The following ZNF407 variants were observed in gnomAD, a reference collection of about 807,000 sequenced individuals.
ZNF407 encodes the protein zinc finger protein 407.
Under a neutral mutation model 131.2 loss-of-function variants are expected in ZNF407, and 17 were observed. That is an observed-to-expected ratio of 0.13 (90% CI 0.09 to 0.19). ZNF407 has a LOEUF of 0.19. Among genes scored for constraint, ZNF407 ranks in the 10% least tolerant of loss-of-function variants. The pLI is 1.00. For synonymous variants in ZNF407, 1,156 were observed against 1,062.0 expected (o/e 1.09, Z -1.72); for missense variants, 2,681 against 2,830.6 (o/e 0.95, Z 1.20).
Position 74,992,634 on chromosome 18 carries a change from C to G in ZNF407, c.5429-70516C>G, listed in dbSNP as rs559803321. On this transcript the variant is annotated intron_variant, in intron 8 of 8. Coordinates refer to ENST00000299687, the MANE Select transcript of ZNF407 (RefSeq NM_017757.3). ...GGAAGGTGGACCTTCAGACTTCTGTCGAAGAGAAAACTACAGTGAGGGGTC... is the reference window on the plus strand; with the variant it reads ...GGAAGGTGGACCTTCAGACTTCTGTGGAAGAGAAAACTACAGTGAGGGGTC... Among the ~76,000 whole-genome samples the G allele has an allele frequency of 2.2e-3, 335 of 152,224 alleles. 2 individuals are homozygous for G. Among genetic ancestry groups the G allele is most frequent in the African/African-American group, 7.3e-3 (304 of 41,522 alleles).
At chr18:74,968,686 T>C (rs1459417069) in intron 8 of ZNF407, among the ~76,000 whole-genome samples, 1 of 152,226 alleles carries the variant, frequency 6.6e-6, no homozygotes, top group Non-Finnish European at 1.5e-5. Flanking sequence ...TAATACCTTG[T>C]TTCTTTCTGG....
intron 8 of ZNF407, among the ~76,000 whole-genome samples, chr18:74,981,667 G>T (rs1389009805): frequency 1.4e-5 from 2 of 146,874 alleles, no homozygotes; most frequent in African/African-American, 5.0e-5. Context: ...AGGAGCGCAG[G>T]ATGTGACTGG....
intron 8 of ZNF407, among the ~76,000 whole-genome samples, chr18:74,974,048 C>T (rs1297239303): frequency 6.6e-6 from 1 of 152,140 alleles, no homozygotes; most frequent in East Asian, 1.9e-4. Flanking sequence ...TGACATATGG[C>T]AATTCAATTA....
intron 4 of ZNF407, chr18:74,804,322 A>C: frequency 3.6e-6 from 4 of 1,115,166 alleles, no homozygotes; most frequent in Non-Finnish European, 4.4e-6. Context: ...AAAACCCTTA[A>C]TGATTCAGGG....
intron 1 of ZNF407, among the ~76,000 whole-genome samples, chr18:74,619,460 A>G (rs977137327): frequency 6.6e-6 from 1 of 152,266 alleles, no homozygotes. Context: ...TTCATATGTT[A>G]TATGCTTTAT....
Position 74,920,659 on chromosome 18 carries a change from A to G in ZNF407, c.5395A>G (p.Ile1799Val), listed in dbSNP as rs1971835317. 1.2e-6 allele frequency: 2 copies of G among 1,610,148 alleles called. No homozygotes were observed. Among genetic ancestry groups the G allele is most frequent in the South Asian group, 1.1e-5 (1 of 90,898 alleles). Residue 1799 changes from isoleucine to valine, a missense_variant, in exon 8 of 9, where the codon ATC (isoleucine) becomes GTC (valine). By Grantham distance (29) the Ile-to-Val change is conservative. This residue lies in a region of ZNF407 where 39 missense variants were observed against 91.8 expected (regional missense o/e 0.42). Coordinates refer to ENST00000299687, the MANE Select transcript of ZNF407 (RefSeq NM_017757.3). ...RNHLKEQHPDIENPDLAYLHA... is the reference protein window; with the variant it reads ...RNHLKEQHPDVENPDLAYLHA... Reference sequence around the variant, plus strand: ...CCATTTGAAGGAACAGCATCCTGACATCGAAAACCCGGACCTCGCTTACCT... The same window carrying G: ...CCATTTGAAGGAACAGCATCCTGACGTCGAAAACCCGGACCTCGCTTACCT...
rs189938104 is a variant in ZNF407 at position 74,676,647 on chromosome 18, G to A, written c.4802+35525G>A. ...GACGGGGTTTCACCGTGTTAGCCAG[G>A]ATGGTCTCGATCTCCTGACCTCGTG... On this transcript the variant is annotated intron_variant, in intron 3 of 8. Transcript: ENST00000299687. Among the ~76,000 whole-genome samples, 448 of 151,934 alleles carry A rather than the reference G, an allele frequency of 2.9e-3. 2 individuals carry two copies. The highest frequency in any genetic ancestry group is 3.7e-3 in the Non-Finnish European group (251 of 67,958).
intron 6 of ZNF407, among the ~76,000 whole-genome samples, chr18:74,884,371 A>T (rs1971279345): frequency 6.6e-6 from 1 of 152,208 alleles, no homozygotes; most frequent in South Asian, 2.1e-4. Context: ...GTATTAGAGT[A>T]ATAGTATTGA....
Position 74,633,617 on chromosome 18 carries a change from T to C in ZNF407, c.2598T>C (p.Thr866=), listed in dbSNP as rs761009194. The change falls in exon 2 of 9, where the codon ACT becomes ACC. Residue 866 remains threonine, a synonymous_variant. Transcript: ENST00000299687. ...TGGCCTCTAGTATTACAAACTTGAC[T>C]GTTCACATTAGACGAAAACACAGTC... is the stretch of plus-strand genomic sequence containing the variant. ...GLLASSITNL[T]VHIRRKHSHQ... 1 of 1,614,028 alleles carries C rather than the reference T, an allele frequency of 6.2e-7. No homozygotes were observed. Among genetic ancestry groups the C allele is most frequent in the Non-Finnish European group, 8.5e-7 (1 of 1,179,892 alleles).
intron 1 of ZNF407, among the ~76,000 whole-genome samples, chr18:74,605,799 A>G (rs12604536): frequency 0.047 from 7,167 of 152,282 alleles, 385 homozygotes; most frequent in African/African-American, 0.12. Flanking sequence ...ACACATTGGT[A>G]TACTAGAAAG....
intron 4 of ZNF407, among the ~76,000 whole-genome samples, chr18:74,812,463 A>G (rs573046753): frequency 7.2e-5 from 11 of 152,288 alleles, no homozygotes; most frequent in African/African-American, 2.6e-4. Context: ...GATAACCTAT[A>G]ATTCCTTTGA....
chr18:74,796,933 G>A (rs141551671), intron 4 of ZNF407, among the ~76,000 whole-genome samples: 45 of 152,134 alleles, frequency 3.0e-4, no homozygotes, highest in African/African-American at 9.7e-4. Context: ...AAGAAAGTAC[G>A]GCTGCCAGCA....
chr18:74,758,100 G>T (rs1249402513), intron 3 of ZNF407, among the ~76,000 whole-genome samples: 1 of 151,938 alleles, frequency 6.6e-6, no homozygotes, highest in Non-Finnish European at 1.5e-5. Context: ...ATTACTTTTT[G>T]CTTGAAATTT....
At chr18:74,882,918 A>G (rs1031089178) in intron 6 of ZNF407, among the ~76,000 whole-genome samples, 2 of 152,230 alleles carry the variant, frequency 1.3e-5, no homozygotes, top group Non-Finnish European at 2.9e-5. Context: ...TTTAAATGCC[A>G]TTGAAGTTCA....
At chr18:74,643,046 A>C (rs919638719) in intron 3 of ZNF407, among the ~76,000 whole-genome samples, 1 of 152,116 alleles carries the variant, frequency 6.6e-6, no homozygotes, top group African/African-American at 2.4e-5. Context: ...TGAATTAGGT[A>C]CCCTTCAGTG....
At position 75,064,361 on chromosome 18, in the gene ZNF407, A is replaced by G. The variant is rs1287947606; in HGVS notation, c.6640A>G (p.Ser2214Gly). The G allele has an allele frequency of 6.3e-7, 1 of 1,580,454 alleles. No individual in the cohort carries two copies. Among genetic ancestry groups the G allele is most frequent in the African/African-American group, 1.3e-5 (1 of 74,166 alleles). Residue 2214 changes from serine to glycine, a missense_variant, in exon 9 of 9, where the codon AGC becomes GGC. Ser to Gly is a moderately conservative substitution (Grantham distance 56, BLOSUM62 0). Around this residue, in one of 6 missense-constraint regions of ZNF407, gnomAD observed 620 missense variants for 583.1 expected, o/e 1.06. Transcript: ENST00000299687. Reference protein sequence around the residue: ...ATLGTEAGAPSRAEQLASVVI... With the variant: ...ATLGTEAGAPGRAEQLASVVI... ...GCTAGGCACAGAGGCCGGGGCCCCAAGCAGGGCAGAGCAGCTGGCCAGCGT... is the reference window on the plus strand; with the variant it reads ...GCTAGGCACAGAGGCCGGGGCCCCAGGCAGGGCAGAGCAGCTGGCCAGCGT...
rs186658208 is a variant in ZNF407 at position 74,925,536 on chromosome 18, A to G, written c.5428+4844A>G. ...AAAATTTCCTTTGTCATTAATTAGA[A>G]CCATTAGTGTTCAATACATAGAACC... On this transcript the variant is annotated intron_variant, in intron 8 of 8. Transcript: ENST00000299687. Among the ~76,000 whole-genome samples, 54 of 152,348 alleles carry G rather than the reference A, an allele frequency of 3.5e-4. No individual in the cohort carries two copies. In the East Asian group the frequency reaches 9.4e-3, roughly 27 times the overall value.
chr18:74,692,230 C>G (rs1185507925), intron 3 of ZNF407, among the ~76,000 whole-genome samples: 2 of 152,142 alleles, frequency 1.3e-5, no homozygotes, highest in Admixed American at 1.3e-4. Context: ...TCCATTCAGT[C>G]TAGTCCGGAG....
intron 7 of ZNF407, among the ~76,000 whole-genome samples, chr18:74,903,207 T>A (rs1217858334): frequency 6.6e-6 from 1 of 152,194 alleles, no homozygotes; most frequent in Non-Finnish European, 1.5e-5. Flanking sequence ...CGGCTTGAAC[T>A]CTCAGAAATA....
Sources: allele counts gnomAD v4.1 joint callset (sites outside exome capture counted in the v4.1 genomes callset), GRCh38; gene constraint gnomAD v4.1.1; regional missense constraint gnomAD v4.1.1; transcripts MANE v1.5; gene names NCBI Gene and HGNC (gene_info 2026-07-23, HGNC 2026-07-21).